The following CDCP1 variants were observed in gnomAD, a reference collection of about 807,000 sequenced individuals.
CDCP1 encodes CUB domain containing protein 1.
CDCP1 carries 29 observed loss-of-function variants against 60.2 expected under a neutral mutation model. The ratio of observed to expected loss-of-function variants is 0.48; its 90% CI spans 0.36 to 0.66. The LOEUF (loss-of-function observed/expected upper bound fraction) is 0.66. CDCP1 is among the 30% of genes least tolerant of loss of function. CDCP1 has a pLI of 0.00. For synonymous variants in CDCP1, 387 were observed against 431.1 expected, an observed-to-expected ratio of 0.90 and a Z score of 1.27; for missense variants, 876 against 1,074.3, an observed-to-expected ratio of 0.82 and a Z score of 2.58.
intron 1 of CDCP1, among the ~76,000 whole-genome samples, chr3:45,135,956 GA>G (rs1425891392): frequency 2.6e-5 from 4 of 152,092 alleles, no homozygotes; most frequent in Admixed American, 6.5e-5. Flanking sequence ...ATACAAAAAG[GA>G]ACTAGGCCAA....
rs1279841369 is a variant in CDCP1 at position 45,146,211 on chromosome 3, C to A, written c.77G>T (p.Gly26Val). 2 of 1,594,082 alleles carry A rather than the reference C, an allele frequency of 1.3e-6. No individual in the cohort carries two copies. Among genetic ancestry groups the A allele is most frequent in the East Asian group, 4.7e-5 (2 of 42,172 alleles). ...LLLGAARLPR[G>V]AEAFEIALPR... The stretch of plus-strand genomic sequence containing the variant: ...CTCCAAAGCCCGGCACTCACCTGCC[C>A]CGCGCGGCAGGCGCGCCGCACCCAG... Residue 26 changes from glycine to valine, a missense_variant, in exon 1 of 9, where the codon GGG becomes GTG. Gly to Val is a moderately radical substitution (Grantham distance 109, BLOSUM62 -3). Around this residue, in one of 2 missense-constraint regions of CDCP1, gnomAD observed 150 missense variants for 138.6 expected, o/e 1.08. Transcript: ENST00000296129.
At chr3:45,126,056 G>A (rs1320145740) in intron 1 of CDCP1, among the ~76,000 whole-genome samples, 1 of 152,108 alleles carries the variant, frequency 6.6e-6, no homozygotes, top group East Asian at 1.9e-4. Context: ...TGCCAAGGCT[G>A]GTCAAGTTAC....
At chr3:45,099,270 C>T (rs1698452187) in intron 4 of CDCP1, among the ~76,000 whole-genome samples, 1 of 151,958 alleles carries the variant, frequency 6.6e-6, no homozygotes, top group African/African-American at 2.4e-5. Context: ...AATTGTTTGG[C>T]TTGGTATAAA....
chr3:45,137,461 C>T (rs771618865), intron 1 of CDCP1, among the ~76,000 whole-genome samples: 4 of 151,892 alleles, frequency 2.6e-5, no homozygotes, highest in Admixed American at 1.3e-4. Context: ...TGGCACCATT[C>T]GGGTTGTGGT....
chr3:45,142,172 A>C (rs1470287353), intron 1 of CDCP1, among the ~76,000 whole-genome samples: 1 of 152,032 alleles, frequency 6.6e-6, no homozygotes, highest in African/African-American at 2.4e-5. Flanking sequence ...AGAGAACCCT[A>C]GCCACTGGTC....
At chr3:45,092,561 T>C (rs765376113) in intron 6 of CDCP1, among the ~76,000 whole-genome samples, 4 of 152,168 alleles carry the variant, frequency 2.6e-5, no homozygotes, top group Non-Finnish European at 5.9e-5. Context: ...ACCTTAATCT[T>C]ATGACCAAAG....
At chr3:45,126,230 CCTTT>C (rs1304481793) in intron 1 of CDCP1, among the ~76,000 whole-genome samples, 3 of 147,398 alleles carry the variant, frequency 2.0e-5, no homozygotes, top group East Asian at 2.0e-4. Context: ...TTCTTTCCTT[CCTTT>C]CTTCCTTCCT....
In CDCP1 at chr3:45,112,462, G is replaced by A; in HGVS notation, c.293-17C>T. 1 of 1,605,776 alleles carries A rather than the reference G, an allele frequency of 6.2e-7. No homozygotes were observed. The highest frequency in any genetic ancestry group is 1.3e-5 in the African/African-American group (1 of 74,886). On this transcript the variant is annotated splice_polypyrimidine_tract_variant and intron_variant, in intron 2 of 8. Coordinates refer to ENST00000296129, the MANE Select transcript of CDCP1 (RefSeq NM_022842.5). ...ACATACAGTCTGAAAAACAGTCACAGAAGCAATTTTGATCACAGATGCTCC... is the reference window on the plus strand; with the variant it reads ...ACATACAGTCTGAAAAACAGTCACAAAAGCAATTTTGATCACAGATGCTCC...
chr3:45,128,624 C>T (rs368446975), intron 1 of CDCP1, among the ~76,000 whole-genome samples: 204 of 152,322 alleles, frequency 1.3e-3, no homozygotes, highest in African/African-American at 4.7e-3. Context: ...TTTATCAACA[C>T]GGGACTGTTT....
At chr3:45,116,951 A>C (rs1698801973) in intron 2 of CDCP1, among the ~76,000 whole-genome samples, 1 of 152,160 alleles carries the variant, frequency 6.6e-6, no homozygotes. Flanking sequence ...TGTTAAGTCC[A>C]TTTTTATACC....
intron 1 of CDCP1, among the ~76,000 whole-genome samples, chr3:45,125,859 G>A (rs1398423987): frequency 6.6e-6 from 1 of 152,192 alleles, no homozygotes; most frequent in Admixed American, 6.5e-5. Context: ...CCTGATCATT[G>A]GCTATTAATA....
chr3:45,103,357 G>A (rs1698514411), intron 4 of CDCP1, among the ~76,000 whole-genome samples: 1 of 152,146 alleles, frequency 6.6e-6, no homozygotes, highest in African/African-American at 2.4e-5. Context: ...CCATGAGCGA[G>A]CATATCACAT....
At chr3:45,120,837 G>T (rs1559396884) in intron 1 of CDCP1, among the ~76,000 whole-genome samples, 1 of 152,082 alleles carries the variant, frequency 6.6e-6, no homozygotes, top group Admixed American at 6.5e-5. Context: ...GCTCCTTGTT[G>T]TCATTCCGGT....
rs1179920992 is a variant in CDCP1, at chr3:45,093,586, G to T, written c.1318C>A (p.Pro440Thr). The part of the protein sequence containing the change: ...LQVPSDILHL[P>T]VELHDFSWKL... The stretch of plus-strand genomic sequence containing the variant: ...CAGGAGAAGTCATGCAGCTCCACAG[G>T]CAGGTGGAGGATGTCACTGGGCACC... The change falls in exon 6 of 9, where the codon CCT (proline) becomes ACT (threonine). Residue 440 changes from proline (P) to threonine (T), a missense_variant. Physicochemically the swap from Pro to Thr is conservative, Grantham distance 38 (BLOSUM62 -1). Transcript: ENST00000296129. 6.2e-7 allele frequency: 1 copy of T among 1,614,124 alleles called. No homozygotes were observed.
intron 1 of CDCP1, among the ~76,000 whole-genome samples, chr3:45,136,637 A>C (rs1394359793): frequency 6.6e-6 from 1 of 152,216 alleles, no homozygotes; most frequent in East Asian, 1.9e-4. Flanking sequence ...TTTGGTCATC[A>C]ACTCCTCAGT....
Position 45,084,858 on chromosome 3 carries a change from T to A in CDCP1, c.*780A>T, listed in dbSNP as rs1698163372. On this transcript the variant is annotated 3_prime_UTR_variant, in exon 9 of 9. Transcript: ENST00000296129. ...TTGCTGCAGCTAGGAGAACCGCACA[T>A]GGAAACTTGAGGAAATTTCTCTTAT... The A allele has an allele frequency of 6.6e-6, 1 of 152,602 alleles. No individual in the cohort carries two copies. Among genetic ancestry groups the A allele is most frequent in the Non-Finnish European group, 1.5e-5 (1 of 68,018 alleles). 9.5% of individuals were successfully genotyped at this position (152,602 alleles called of 1,614,324 possible).
intron 1 of CDCP1, among the ~76,000 whole-genome samples, chr3:45,126,147 T>TTTCTTTCTTTCTTTCC (rs1559398866): frequency 1.4e-5 from 2 of 142,420 alleles, no homozygotes; most frequent in Non-Finnish European, 3.0e-5. Flanking sequence ...TCTTTCTTTC[T>TTTCTTTCTTTCTTTCC]TTCTTTCTTT....
At chr3:45,134,106 G>A (rs1262729956) in intron 1 of CDCP1, among the ~76,000 whole-genome samples, 1 of 152,044 alleles carries the variant, frequency 6.6e-6, no homozygotes, top group Admixed American at 6.6e-5. Context: ...CACTGAGCAA[G>A]GGGAGAAACC....
chr3:45,110,362 G>A, intron 4 of CDCP1, 111 bp downstream of exon 4: 4 of 1,484,976 alleles, frequency 2.7e-6, no homozygotes, highest in Middle Eastern at 2.5e-4. Flanking sequence ...GAGTCTAAGT[G>A]TTTCAGAAGC....
Sources: allele counts gnomAD v4.1 joint callset (sites outside exome capture counted in the v4.1 genomes callset), GRCh38; gene constraint gnomAD v4.1.1; regional missense constraint gnomAD v4.1.1; transcripts MANE v1.5; gene names NCBI Gene and HGNC (gene_info 2026-07-23, HGNC 2026-07-21).